The following NEGR1 variants were observed in gnomAD, a reference collection of about 807,000 sequenced individuals.
The protein encoded by NEGR1 is neuronal growth regulator 1, also known as IgLON family member 4.
NEGR1 carries 10 observed loss-of-function variants against 40.9 expected under a neutral mutation model. That is an observed-to-expected ratio of 0.24 (90% CI 0.15 to 0.42). The LOEUF is 0.42. Among genes scored for constraint, NEGR1 ranks in the 10% least tolerant of loss-of-function variants. NEGR1 has a pLI of 1.00. For synonymous variants in NEGR1, 185 were observed against 166.8 expected, an observed-to-expected ratio of 1.11 and a Z score of -0.84; for missense variants, 352 against 438.9, an observed-to-expected ratio of 0.80 and a Z score of 1.77.
At chr1:71,846,106 G>A (rs1659399519) in intron 2 of NEGR1, among the ~76,000 whole-genome samples, 1 of 151,856 alleles carries the variant, frequency 6.6e-6, no homozygotes, top group East Asian at 1.9e-4. Flanking sequence ...CAGGGCCTCT[G>A]TTATTCTCTC....
rs1418910571 is a variant in NEGR1 at position 71,640,429 on chromosome 1, C to G, written c.668-29283G>C. Among the ~76,000 whole-genome samples the G allele has an allele frequency of 2.6e-5, 4 of 152,000 alleles. No homozygotes were observed. In the East Asian group the frequency reaches 7.8e-4, roughly 30 times the overall value. On this transcript the variant is annotated intron_variant, in intron 4 of 6. Coordinates refer to ENST00000357731, the MANE Select transcript of NEGR1 (RefSeq NM_173808.3). ...CCCTTCATACACTCCTCTGGCCTTC[C>G]CTACTGATTCAAGCCAGGGAAACAA...
intron 1 of NEGR1, among the ~76,000 whole-genome samples, chr1:71,938,616 G>C (rs1051451090): frequency 2.6e-5 from 4 of 151,944 alleles, no homozygotes; most frequent in African/African-American, 9.7e-5. Context: ...TGGAGGGTGA[G>C]AGCCAAGTAG....
chr1:72,174,986 C>T (rs2100402006), intron 1 of NEGR1, among the ~76,000 whole-genome samples: 1 of 151,480 alleles, frequency 6.6e-6, no homozygotes, highest in Non-Finnish European at 1.5e-5. Context: ...TATTATTATA[C>T]TTTAAGTTTT....
At position 71,406,192 on chromosome 1, in the gene NEGR1, A is replaced by T. The variant is rs946016267; in HGVS notation, c.*1254T>A. 3.3e-5 allele frequency: 5 copies of T among 151,958 alleles called. No homozygotes were observed. The highest frequency in any genetic ancestry group is 1.5e-5 in the Non-Finnish European group (1 of 67,878). The allele number at this position is 151,958 out of a possible 1,614,324, so 9.4% of individuals were successfully genotyped here. A position where few individuals can be genotyped will look rare whatever the true frequency, so the allele number is the denominator to read the frequency against. On this transcript the variant is annotated 3_prime_UTR_variant, in exon 7 of 7. Transcript: ENST00000357731. ...ATTTTATTGAAGAATTAGCTATTTT[A>T]GAGATTGGTCTGCTACATACCGATA...
At chr1:71,649,056 T>C (rs1156312172) in intron 4 of NEGR1, among the ~76,000 whole-genome samples, 3 of 152,076 alleles carry the variant, frequency 2.0e-5, no homozygotes, top group Non-Finnish European at 2.9e-5. Context: ...CCATTCTCTG[T>C]AGTTATTGAT....
rs147864882 is a variant in NEGR1, at chr1:71,987,694, C to A, written c.177-52383G>T. 7.2e-5 allele frequency among the ~76,000 whole-genome samples: 11 copies of A among 152,254 alleles called. No homozygotes were observed. In the East Asian group the frequency reaches 1.7e-3, roughly 24 times the overall value. ...ATTCAGCAGTAGGAAATAAACACCC[C>A]CATTTGTGCCACAAAGGGGAAAATT... On this transcript the variant is annotated intron_variant, in intron 1 of 6. Transcript: ENST00000357731.
chr1:72,192,908 G>C (rs1652867196), intron 1 of NEGR1, among the ~76,000 whole-genome samples: 1 of 151,730 alleles, frequency 6.6e-6, no homozygotes. Flanking sequence ...TTGATGGCCT[G>C]ATCATGTCTT....
intron 6 of NEGR1, among the ~76,000 whole-genome samples, chr1:71,537,988 A>G (rs1209660030): frequency 1.3e-5 from 2 of 151,710 alleles, no homozygotes; most frequent in African/African-American, 4.8e-5. Flanking sequence ...ACTGTGGGCT[A>G]TTTGCATTAC....
chr1:71,964,668 C>T (rs1646195903), intron 1 of NEGR1, among the ~76,000 whole-genome samples: 1 of 152,088 alleles, frequency 6.6e-6, no homozygotes, highest in Non-Finnish European at 1.5e-5. Context: ...TATCCATGAA[C>T]AAATATGAAA....
chr1:71,759,214 T>C (rs1655849032), intron 3 of NEGR1, among the ~76,000 whole-genome samples: 1 of 151,394 alleles, frequency 6.6e-6, no homozygotes, highest in African/African-American at 2.4e-5. Context: ...TTTCCATCTG[T>C]AGAATCCCAC....
chr1:71,675,112 C>CATATATATATATATATATGTATATAT (rs1553157758), intron 4 of NEGR1, among the ~76,000 whole-genome samples: 1 of 45,208 alleles, frequency 2.2e-5, no homozygotes, highest in Non-Finnish European at 5.6e-5. Context: ...CATGTTTATT[C>CATATATATATATATATATGTATATAT]ATATATATAT....
chr1:72,155,330 T>A (rs1474336863), intron 1 of NEGR1, among the ~76,000 whole-genome samples: 1 of 152,044 alleles, frequency 6.6e-6, no homozygotes, highest in Non-Finnish European at 1.5e-5. Context: ...TCATAATATG[T>A]CCAAATCACA....
chr1:71,850,894 G>A (rs1659578568), intron 2 of NEGR1, among the ~76,000 whole-genome samples: 1 of 152,136 alleles, frequency 6.6e-6, no homozygotes, highest in Admixed American at 6.6e-5. Context: ...TCAAGGCTGA[G>A]ACTTTTTTGT....
rs1159007795 is a variant in NEGR1 at position 71,407,413 on chromosome 1, G to A, written c.*33C>T. 3 of 1,604,590 alleles carry A rather than the reference G, an allele frequency of 1.9e-6. No homozygotes were observed. The highest frequency in any genetic ancestry group is 2.6e-6 in the Non-Finnish European group (3 of 1,173,668). Reference sequence around the variant, plus strand: ...GGATCCAGCCATCAGCACTTTCAGAGAATCCTTAAAAGCCTTTTATGGGTC... The same window carrying A: ...GGATCCAGCCATCAGCACTTTCAGAAAATCCTTAAAAGCCTTTTATGGGTC... On this transcript the variant is annotated 3_prime_UTR_variant, in exon 7 of 7. Transcript: ENST00000357731.
At chr1:71,975,768 T>A (rs1375431617) in intron 1 of NEGR1, among the ~76,000 whole-genome samples, 1 of 152,196 alleles carries the variant, frequency 6.6e-6, no homozygotes, top group Non-Finnish European at 1.5e-5. Flanking sequence ...GTGGCTGACT[T>A]TATTCTCTAG....
chr1:72,106,037 G>T (rs891915472), intron 1 of NEGR1, among the ~76,000 whole-genome samples: 2 of 152,052 alleles, frequency 1.3e-5, no homozygotes, highest in African/African-American at 4.8e-5. Flanking sequence ...CTTAATTTTT[G>T]AGGAGGAGAA....
intron 1 of NEGR1, among the ~76,000 whole-genome samples, chr1:72,133,976 T>C (rs1335181876): frequency 6.6e-6 from 1 of 151,932 alleles, no homozygotes; most frequent in East Asian, 1.9e-4. Context: ...CATAACTTTG[T>C]TATATAAGAT....
At chr1:72,011,584 C>T (rs1646657740) in intron 1 of NEGR1, among the ~76,000 whole-genome samples, 1 of 152,092 alleles carries the variant, frequency 6.6e-6, no homozygotes, top group African/African-American at 2.4e-5. Flanking sequence ...TAATGAGCCA[C>T]AATATTTGCC....
chr1:72,210,721 G>T lies in NEGR1; in HGVS notation c.176+71598C>A, dbSNP rs75469014. ...GTGAATCTTTTATGATATTGTTAATGGAGTTGTGGAATATTTGCATAACCA... is the reference window on the plus strand; with the variant it reads ...GTGAATCTTTTATGATATTGTTAATTGAGTTGTGGAATATTTGCATAACCA... On this transcript the variant is annotated intron_variant, in intron 1 of 6. Transcript: ENST00000357731. Among the ~76,000 whole-genome samples the T allele has an allele frequency of 8.5e-3, 1,294 of 152,000 alleles. 18 individuals carry two copies. Among genetic ancestry groups the T allele is most frequent in the African/African-American group, 0.03 (1,231 of 41,522 alleles).
Sources: allele counts gnomAD v4.1 joint callset (sites outside exome capture counted in the v4.1 genomes callset), GRCh38; gene constraint gnomAD v4.1.1; transcripts MANE v1.5; gene names NCBI Gene and HGNC (gene_info 2026-07-23, HGNC 2026-07-21).